Variants in CIT observed in about 807,000 individuals in gnomAD.
CIT encodes the protein citron Rho-interacting kinase.
CIT carries 79 observed loss-of-function variants against 272.7 expected under a neutral mutation model. The observed-to-expected ratio is 0.29, with a 90% CI of 0.24 to 0.35. The LOEUF is 0.35. Ranked by LOEUF, CIT falls within the 10% of genes least tolerant of loss-of-function variation. The pLI is 1.00. For missense variants in CIT, 1,909 were observed against 2,618.3 expected, an observed-to-expected ratio of 0.73 and a Z score of 5.91; for synonymous variants, 948 against 995.6, an observed-to-expected ratio of 0.95 and a Z score of 0.90.
intron 12 of CIT, chr12:119,783,229 TG>T (rs969208588): frequency 6.6e-6 from 1 of 152,300 alleles, no homozygotes; most frequent in African/African-American, 2.4e-5. Flanking sequence ...AAGTCTGGAA[TG>T]GAAACATAGC....
At chr12:119,805,546 G>T (rs191812968) in intron 9 of CIT, among the ~76,000 whole-genome samples, 46 of 152,292 alleles carry the variant, frequency 3.0e-4, no homozygotes, top group Admixed American at 2.1e-3. Flanking sequence ...TTCCTGCACA[G>T]GGCAGAGACA....
chr12:119,824,826 C>T (rs532362355), intron 8 of CIT, among the ~76,000 whole-genome samples: 5 of 152,136 alleles, frequency 3.3e-5, no homozygotes, highest in Non-Finnish European at 5.9e-5. Flanking sequence ...GACGGAGTCT[C>T]ACTCCGTTGC....
intron 23 of CIT, among the ~76,000 whole-genome samples, chr12:119,749,282 G>A (rs1959887110): frequency 6.6e-6 from 1 of 152,214 alleles, no homozygotes; most frequent in Non-Finnish European, 1.5e-5. Context: ...AAAACAGCCT[G>A]CTGTGAAACT....
At chr12:119,742,109 T>C (rs1959086710) in intron 24 of CIT, among the ~76,000 whole-genome samples, 1 of 152,156 alleles carries the variant, frequency 6.6e-6, no homozygotes, top group East Asian at 1.9e-4. Context: ...GGAACTGCCT[T>C]GGGATTTTTG....
intron 23 of CIT, among the ~76,000 whole-genome samples, chr12:119,749,161 G>A (rs1959869761): frequency 1.3e-5 from 2 of 152,194 alleles, no homozygotes; most frequent in South Asian, 4.1e-4. Flanking sequence ...CATCTCATTT[G>A]GCCCAGGGAT....
chr12:119,743,344 C>A (rs565727749), intron 23 of CIT, among the ~76,000 whole-genome samples: 6 of 152,138 alleles, frequency 3.9e-5, no homozygotes, highest in African/African-American at 1.4e-4. Flanking sequence ...TGATGAGGAG[C>A]CAGCCATGCA....
intron 24 of CIT, among the ~76,000 whole-genome samples, chr12:119,736,031 G>C (rs1958734600): frequency 6.6e-6 from 1 of 152,234 alleles, no homozygotes; most frequent in Non-Finnish European, 1.5e-5. Context: ...TTTATTGAGA[G>C]AGATTTAATC....
intron 9 of CIT, among the ~76,000 whole-genome samples, chr12:119,806,063 G>A (rs1966584898): frequency 6.6e-6 from 1 of 151,040 alleles, no homozygotes; most frequent in African/African-American, 2.5e-5. Context: ...CTTGAACCTG[G>A]GAGGTGGAGG....
intron 3 of CIT, among the ~76,000 whole-genome samples, chr12:119,868,088 T>TGG (rs1950565098): frequency 6.6e-6 from 1 of 152,034 alleles, no homozygotes; most frequent in South Asian, 2.1e-4. Context: ...AAAAATTAGC[T>TGG]GGGCGTGGTA....
intron 10 of CIT, among the ~76,000 whole-genome samples, chr12:119,795,301 C>T (rs1246108829): frequency 6.6e-6 from 1 of 152,120 alleles, no homozygotes; most frequent in African/African-American, 2.4e-5. Flanking sequence ...GCACAAGAAT[C>T]GCTTGAACCT....
At chr12:119,840,234 C>T (rs1969317221) in intron 5 of CIT, among the ~76,000 whole-genome samples, 1 of 152,214 alleles carries the variant, frequency 6.6e-6, no homozygotes, top group Admixed American at 6.5e-5. Flanking sequence ...GGGAGGACGG[C>T]TTGAGCCCAG....
intron 16 of CIT, among the ~76,000 whole-genome samples, chr12:119,773,790 T>G (rs984182389): frequency 6.6e-6 from 1 of 152,208 alleles, no homozygotes; most frequent in African/African-American, 2.4e-5. Flanking sequence ...AAGTAATATT[T>G]GTGGCTCCCT....
In CIT at chr12:119,770,694, T is replaced by C; in HGVS notation, c.2208+91A>G. 1 of 1,464,836 alleles carries C rather than the reference T, an allele frequency of 6.8e-7. No homozygotes were observed. The highest frequency in any genetic ancestry group is 9.4e-7 in the Non-Finnish European group (1 of 1,059,190). 90.7% of individuals were successfully genotyped at this position (1,464,836 alleles called of 1,614,324 possible). A position where few individuals can be genotyped will look rare whatever the true frequency, so the allele number is the denominator to read the frequency against. ...TTCATCTACTTGGAGATACCTCCCT[T>C]ATTGTGGCGGTTAATTCTTCTTCTT... On this transcript the variant is annotated intron_variant, in intron 18 of 47. Transcript: ENST00000392521. The surrounding 1 kb of genome is among the most constrained non-coding windows in gnomAD (Gnocchi z 4.4).
rs1359788894 is a variant in CIT at position 119,768,879 on chromosome 12, T to C, written c.2209-1697A>G. Among the ~76,000 whole-genome samples, 1 of 152,158 alleles carries C rather than the reference T, an allele frequency of 6.6e-6. No homozygotes were observed. Among genetic ancestry groups the C allele is most frequent in the East Asian group, 1.9e-4 (1 of 5,200 alleles). On this transcript the variant is annotated intron_variant, in intron 18 of 47. Coordinates refer to ENST00000392521, the MANE Select transcript of CIT (RefSeq NM_001206999.2). The surrounding 1 kb of genome is among the most constrained non-coding windows in gnomAD (Gnocchi z 4.3). ...GCGATGTATGTTCAGGCATCATCAT[T>C]ACATAATGGTACTAAGGACCACTCT...
In CIT at chr12:119,718,224, T is replaced by G; in HGVS notation, c.4168+21A>C. The stretch of plus-strand genomic sequence containing the variant: ...CATGTCTTAGTCGACTAAAAGAAAT[T>G]TCCATACAACTCCAACGTACCCTCT... On this transcript the variant is annotated intron_variant, in intron 32 of 47. Transcript: ENST00000392521. This position sits in a 1 kb window ranked among gnomAD's most constrained non-coding sequence, Gnocchi z 4.8. 6.3e-7 allele frequency: 1 copy of G among 1,589,546 alleles called. No homozygotes were observed. The highest frequency in any genetic ancestry group is 8.6e-7 in the Non-Finnish European group (1 of 1,165,802).
At chr12:119,820,755 G>C (rs1175379244) in intron 9 of CIT, among the ~76,000 whole-genome samples, 1 of 152,098 alleles carries the variant, frequency 6.6e-6, no homozygotes, top group Non-Finnish European at 1.5e-5. Context: ...AGGATCACTT[G>C]AGCTCAGGAG....
intron 3 of CIT, among the ~76,000 whole-genome samples, chr12:119,862,559 G>A (rs1026169655): frequency 6.6e-6 from 1 of 151,546 alleles, no homozygotes; most frequent in East Asian, 1.9e-4. Context: ...AGTGGCTCCC[G>A]CCTGTAATCC....
chr12:119,821,203 G>A (rs1041809871), intron 9 of CIT, among the ~76,000 whole-genome samples: 15 of 151,650 alleles, frequency 9.9e-5, no homozygotes, highest in African/African-American at 3.4e-4. Flanking sequence ...GCTGAGGCAG[G>A]AGAATCGCTT....
chr12:119,877,073 G>T (rs1192945677), intron 1 of CIT, among the ~76,000 whole-genome samples, 176 bp downstream of exon 1: 1 of 152,138 alleles, frequency 6.6e-6, no homozygotes, highest in African/African-American at 2.4e-5. Context: ...CAAGGAAGGT[G>T]GGCGCGCGCA....
Sources: gnomAD v4.1 joint callset for allele counts (sites outside exome capture counted in the v4.1 genomes callset) on GRCh38, gnomAD v4.1.1 for gene constraint, Gnocchi (gnomAD v3.1) non-coding constraint, MANE v1.5 for transcripts, NCBI Gene and HGNC (gene_info 2026-07-23, HGNC 2026-07-21) for gene names.